RIMS2: variants seen among roughly 807,000 people sequenced by gnomAD.
RIMS2 encodes regulating synaptic membrane exocytosis protein 2.
Under a neutral mutation model 174.4 loss-of-function variants are expected in RIMS2, and 59 were observed. That is an observed-to-expected ratio of 0.34 (90% CI 0.27 to 0.42). The LOEUF is 0.42. Among genes scored for constraint, RIMS2 ranks in the 10% least tolerant of loss-of-function variants. RIMS2 has a pLI of 1.00. For missense variants in RIMS2, 1,620 were observed against 1,666.3 expected (o/e 0.97, Z 0.48); for synonymous variants, 606 against 572.5 (o/e 1.06, Z -0.84).
At chr8:104,103,353 A>G (rs1005319269) in intron 19 of RIMS2, among the ~76,000 whole-genome samples, 1 of 152,188 alleles carries the variant, frequency 6.6e-6, no homozygotes, top group East Asian at 1.9e-4. Context: ...CTACTGAATC[A>G]TATACTTTAA....
intron 1 of RIMS2, among the ~76,000 whole-genome samples, chr8:103,565,310 G>GTT (rs34784500): frequency 1.4e-4 from 21 of 146,908 alleles, no homozygotes; most frequent in African/African-American, 4.7e-4. Context: ...GCTGTTTAAT[G>GTT]TTTTTTTTTT....
intron 3 of RIMS2, among the ~76,000 whole-genome samples, chr8:103,828,163 A>G (rs986169385): frequency 1.3e-5 from 2 of 152,114 alleles, no homozygotes; most frequent in African/African-American, 4.8e-5. Context: ...TTAAGTTGAA[A>G]TGTCTATGAC....
chr8:104,252,675 CTG>C (rs2140348029), downstream of RIMS2: 1 of 152,206 alleles, frequency 6.6e-6, no homozygotes, highest in South Asian at 2.1e-4. Context: ...TAATCATAGT[CTG>C]TGTTTTGGCA....
chr8:104,044,576 G>A (rs2096662082), intron 19 of RIMS2, among the ~76,000 whole-genome samples: 1 of 151,250 alleles, frequency 6.6e-6, no homozygotes, highest in African/African-American at 2.4e-5. Flanking sequence ...TTAAATTTAT[G>A]GAGGCAAAAA....
intron 1 of RIMS2, among the ~76,000 whole-genome samples, chr8:103,556,776 A>G (rs1053421501): frequency 6.6e-6 from 1 of 152,134 alleles, no homozygotes; most frequent in Non-Finnish European, 1.5e-5. Flanking sequence ...ACATATTTCT[A>G]TAGGAAAAAA....
chr8:104,065,208 G>A (rs1177548943), intron 19 of RIMS2, among the ~76,000 whole-genome samples: 1 of 151,954 alleles, frequency 6.6e-6, no homozygotes, highest in Non-Finnish European at 1.5e-5. Context: ...AAAGAGAGAG[G>A]AAATTGAACA....
At chr8:103,993,327 A>G (rs1413211394) in intron 17 of RIMS2, among the ~76,000 whole-genome samples, 1 of 152,144 alleles carries the variant, frequency 6.6e-6, no homozygotes. Flanking sequence ...TGTTGGCAAA[A>G]GATAAATTAC....
chr8:103,539,314 A>G (rs1841409200), intron 1 of RIMS2, among the ~76,000 whole-genome samples: 1 of 152,218 alleles, frequency 6.6e-6, no homozygotes, highest in Non-Finnish European at 1.5e-5. Context: ...AAAGGCCTCA[A>G]ATACACCACC....
In RIMS2 at chr8:103,990,068, C is replaced by G. The variant is rs561554897; in HGVS notation, c.3044+647C>G. ...ATTAATATTTTTAACTTAAGCAAAT[C>G]GATAAACTCTCTAATTCATGCTTTG... is the stretch of plus-strand genomic sequence containing the variant. On this transcript the variant is annotated intron_variant, in intron 17 of 23. Coordinates refer to ENST00000504942, the Ensembl canonical transcript of RIMS2. Among the ~76,000 whole-genome samples, 7 of 152,120 alleles carry G rather than the reference C, an allele frequency of 4.6e-5. No individual in the cohort carries two copies. In the South Asian group the frequency reaches 1.5e-3, roughly 32 times the overall value.
chr8:104,198,036 T>A (rs1044225559), intron 19 of RIMS2, among the ~76,000 whole-genome samples: 3 of 152,168 alleles, frequency 2.0e-5, no homozygotes, highest in African/African-American at 7.2e-5. Flanking sequence ...ATACCTATGT[T>A]AATTGTGATT....
intron 1 of RIMS2, among the ~76,000 whole-genome samples, chr8:103,643,732 A>G (rs767175629): frequency 2.0e-5 from 3 of 151,998 alleles, no homozygotes; most frequent in Non-Finnish European, 1.5e-5. Context: ...TAAGAACTCT[A>G]CTGATTTGGT....
At chr8:104,181,650 A>T (rs1344100572) in intron 19 of RIMS2, among the ~76,000 whole-genome samples, 1 of 151,714 alleles carries the variant, frequency 6.6e-6, no homozygotes, top group Non-Finnish European at 1.5e-5. Context: ...TATTTTAGAT[A>T]ATTTTGTACT....
chr8:104,072,435 A>T (rs2097211477), intron 19 of RIMS2, among the ~76,000 whole-genome samples: 1 of 152,158 alleles, frequency 6.6e-6, no homozygotes, highest in African/African-American at 2.4e-5. Context: ...CAAATAAGGG[A>T]ACTAAGATAT....
intron 19 of RIMS2, among the ~76,000 whole-genome samples, chr8:104,172,259 A>C (rs2098836812): frequency 6.6e-6 from 1 of 152,158 alleles, no homozygotes; most frequent in Non-Finnish European, 1.5e-5. Context: ...TTAGGGCATC[A>C]TCTAATTTAA....
intron 8 of RIMS2, among the ~76,000 whole-genome samples, chr8:103,917,163 A>C (rs562253962): frequency 1.3e-5 from 2 of 152,310 alleles, no homozygotes; most frequent in Admixed American, 6.5e-5. Flanking sequence ...TACCTATATC[A>C]GAGTAAAAGC....
At chr8:103,571,234 G>T (rs1265901699) in intron 1 of RIMS2, among the ~76,000 whole-genome samples, 1 of 152,120 alleles carries the variant, frequency 6.6e-6, no homozygotes, top group Non-Finnish European at 1.5e-5. Context: ...TGTCACTTAT[G>T]ATCTCAAAAA....
intron 3 of RIMS2, among the ~76,000 whole-genome samples, chr8:103,786,858 G>A (rs868529829): frequency 2.0e-5 from 3 of 152,066 alleles, no homozygotes; most frequent in Non-Finnish European, 2.9e-5. Flanking sequence ...TCTGTCTAAT[G>A]TTGACAGTGG....
intron 1 of RIMS2, among the ~76,000 whole-genome samples, chr8:103,552,428 T>C (rs556344445): frequency 6.6e-6 from 1 of 152,240 alleles, no homozygotes; most frequent in African/African-American, 2.4e-5. Context: ...CCCTTCTTTA[T>C]ACCTTATACA....
chr8:103,902,462 A>G (rs529421473), intron 4 of RIMS2, among the ~76,000 whole-genome samples: 1 of 152,300 alleles, frequency 6.6e-6, no homozygotes, highest in South Asian at 2.1e-4. Flanking sequence ...ATTATGGGCT[A>G]CAATCAGTCC....
Sources: gnomAD v4.1 joint callset for allele counts (sites outside exome capture counted in the v4.1 genomes callset) on GRCh38, gnomAD v4.1.1 for gene constraint, MANE v1.5 for transcripts, NCBI Gene and HGNC (gene_info 2026-07-23, HGNC 2026-07-21) for gene names.